Variants in TASP1 observed in about 807,000 individuals in gnomAD.
TASP1 encodes taspase 1.
TASP1 carries 16 observed loss-of-function variants against 56.6 expected under a neutral mutation model. That is an observed-to-expected ratio of 0.28 (90% CI 0.19 to 0.43). TASP1 has a LOEUF of 0.43. Ranked by LOEUF, TASP1 falls within the 20% of genes least tolerant of loss-of-function variation. TASP1 has a pLI of 1.00. For synonymous variants in TASP1, 179 were observed against 184.2 expected, an observed-to-expected ratio of 0.97 and a Z score of 0.23; for missense variants, 393 against 511.6, an observed-to-expected ratio of 0.77 and a Z score of 2.24.
the TASP1 span, among the ~76,000 whole-genome samples, chr20:13,227,570 G>A: frequency 1.9e-3 from 285 of 146,558 alleles, no homozygotes; most frequent in Middle Eastern, 3.7e-3. Flanking sequence ...GTGCAGTGGC[G>A]CGATCTTGGC....
chr20:13,127,174 A>G, the TASP1 span, among the ~76,000 whole-genome samples: 401 of 152,362 alleles, frequency 2.6e-3, no homozygotes, highest in Non-Finnish European at 5.2e-3. Context: ...TAGACAAAAC[A>G]CACACAATAA....
the TASP1 span, among the ~76,000 whole-genome samples, chr20:13,215,735 T>C: frequency 6.6e-6 from 1 of 152,222 alleles, no homozygotes; most frequent in Non-Finnish European, 1.5e-5. Flanking sequence ...GCATTCTCTG[T>C]ACAGCTAGGG....
At chr20:13,573,812 A>G (rs2046800237) in intron 6 of TASP1, among the ~76,000 whole-genome samples, 1 of 152,214 alleles carries the variant, frequency 6.6e-6, no homozygotes, top group Admixed American at 6.5e-5. Flanking sequence ...AATCCTTGAG[A>G]GAAAGGAAAA....
chr20:13,523,404 T>A (rs2044844334), intron 10 of TASP1, among the ~76,000 whole-genome samples: 1 of 152,188 alleles, frequency 6.6e-6, no homozygotes, highest in Non-Finnish European at 1.5e-5. Flanking sequence ...TGGCTCCTGC[T>A]GTCACATAAC....
chr20:13,313,341 T>C, the TASP1 span, among the ~76,000 whole-genome samples: 2 of 152,222 alleles, frequency 1.3e-5, no homozygotes, highest in Non-Finnish European at 2.9e-5. Context: ...AAGTGTAACC[T>C]AACTGGATGT....
At chr20:13,331,045 C>A in the TASP1 span, among the ~76,000 whole-genome samples, 1 of 152,078 alleles carries the variant, frequency 6.6e-6, no homozygotes, top group Non-Finnish European at 1.5e-5. Flanking sequence ...CTTCTGTCTG[C>A]TTTCAGTTTG....
intron 7 of TASP1, among the ~76,000 whole-genome samples, chr20:13,562,013 A>G (rs2046359042): frequency 6.6e-6 from 1 of 152,220 alleles, no homozygotes; most frequent in African/African-American, 2.4e-5. Context: ...CACTTGGGAC[A>G]TTTTTCCAAA....
In TASP1 at chr20:13,472,024, G is replaced by A. The variant is rs555402175; in HGVS notation, c.985+11203C>T. Among the ~76,000 whole-genome samples, 18 of 152,058 alleles carry A rather than the reference G, an allele frequency of 1.2e-4. No individual in the cohort carries two copies. In the East Asian group the frequency reaches 3.5e-3, roughly 29 times the overall value. The stretch of plus-strand genomic sequence containing the variant: ...TTCATATGGAACCAAAAAAGAGCCT[G>A]CATTGCCAAGACAATCCTAAGCAAA... On this transcript the variant is annotated intron_variant, in intron 11 of 13. Coordinates refer to ENST00000337743, the MANE Select transcript of TASP1 (RefSeq NM_017714.3).
chr20:13,487,996 A>T (rs1234141133), intron 10 of TASP1, among the ~76,000 whole-genome samples: 1 of 152,148 alleles, frequency 6.6e-6, no homozygotes, highest in Non-Finnish European at 1.5e-5. Flanking sequence ...GAAATAGAGC[A>T]AACTGTAGTA....
the TASP1 span, among the ~76,000 whole-genome samples, chr20:13,302,040 GT>G: frequency 1.3e-5 from 2 of 152,176 alleles, no homozygotes; most frequent in Admixed American, 6.5e-5. Flanking sequence ...AGTACTTGGT[GT>G]TTTCTGAAAA....
At chr20:13,202,355 A>T in the TASP1 span, among the ~76,000 whole-genome samples, 2 of 152,244 alleles carry the variant, frequency 1.3e-5, no homozygotes, top group Non-Finnish European at 2.9e-5. Context: ...ATTCAAGGTC[A>T]TTGTAAAATG....
At position 13,483,223 on chromosome 20, in the gene TASP1, T is replaced by C; in HGVS notation, c.985+4A>G. ...AGATGTAATCTTCTTAATGTTATACTTACTGATAAACTTGTTTTGCATAGT... is the reference window on the plus strand; with the variant it reads ...AGATGTAATCTTCTTAATGTTATACCTACTGATAAACTTGTTTTGCATAGT... On this transcript the variant is annotated splice_donor_region_variant and intron_variant, in intron 11 of 13. Coordinates refer to ENST00000337743, the MANE Select transcript of TASP1 (RefSeq NM_017714.3). The C allele has an allele frequency of 6.4e-7, 1 of 1,573,570 alleles. No individual in the cohort carries two copies. The highest frequency in any genetic ancestry group is 1.2e-5 in the South Asian group (1 of 85,050).
At chr20:13,250,392 G>A in the TASP1 span, among the ~76,000 whole-genome samples, 4 of 152,306 alleles carry the variant, frequency 2.6e-5, no homozygotes, top group African/African-American at 4.8e-5. Flanking sequence ...TACTGAAGAC[G>A]TGAGAATGAA....
the TASP1 span, among the ~76,000 whole-genome samples, chr20:13,256,676 C>G: frequency 0.01 from 1,535 of 152,266 alleles, 27 homozygotes; most frequent in African/African-American, 0.035. Flanking sequence ...TCTGAGCACT[C>G]TCTTTACACT....
chr20:13,633,311 C>A (rs1473283996), intron 1 of TASP1, among the ~76,000 whole-genome samples: 2 of 152,064 alleles, frequency 1.3e-5, no homozygotes, highest in Non-Finnish European at 2.9e-5. Flanking sequence ...AAAAGTCATA[C>A]AATACTGATT....
intron 10 of TASP1, among the ~76,000 whole-genome samples, chr20:13,493,856 C>T (rs951718639): frequency 6.6e-6 from 1 of 152,118 alleles, no homozygotes; most frequent in Non-Finnish European, 1.5e-5. Flanking sequence ...CAGAACCTTG[C>T]TTTCTGTTCT....
At chr20:13,522,149 G>A (rs192844407) in intron 10 of TASP1, among the ~76,000 whole-genome samples, 42 of 152,258 alleles carry the variant, frequency 2.8e-4, no homozygotes, top group South Asian at 1.7e-3. Flanking sequence ...GGTTCTGAGG[G>A]GAAGCTGGGA....
chr20:13,233,613 AAGG>A, the TASP1 span, among the ~76,000 whole-genome samples: 1 of 151,676 alleles, frequency 6.6e-6, no homozygotes, highest in Non-Finnish European at 1.5e-5. Flanking sequence ...AAAAAAAAAA[AAGG>A]AGATCCCATT....
chr20:13,210,087 T>C, the TASP1 span, among the ~76,000 whole-genome samples: 2 of 152,330 alleles, frequency 1.3e-5, no homozygotes, highest in East Asian at 3.9e-4. Flanking sequence ...ATAAATGGAA[T>C]GATACAGAAT....
Sources: allele counts gnomAD v4.1 joint callset (sites outside exome capture counted in the v4.1 genomes callset), GRCh38; gene constraint gnomAD v4.1.1; transcripts MANE v1.5; gene names NCBI Gene and HGNC (gene_info 2026-07-23, HGNC 2026-07-21).